The following GUCY2F variants were observed in gnomAD, a reference collection of about 807,000 sequenced individuals.
The protein encoded by GUCY2F is guanylate cyclase 2F, retinal.
Under a neutral mutation model 73.1 loss-of-function variants are expected in GUCY2F, and 61 were observed. That is an observed-to-expected ratio of 0.83 (90% CI 0.68 to 1.03). GUCY2F has a LOEUF of 1.03. Among genes scored for constraint, GUCY2F ranks in the 50% least tolerant of loss-of-function variants. The probability of loss-of-function intolerance (pLI) is 0.00; values close to 1 mark genes in which losing one functional copy is unlikely to be tolerated. For missense variants in GUCY2F, 912 were observed against 854.3 expected (o/e 1.07, Z -0.84); for synonymous variants, 331 against 307.8 (o/e 1.08, Z -0.79).
chrX:109,417,574 GAACA>G (rs1931274535), intron 8 of GUCY2F, among the ~76,000 whole-genome samples: 1 of 111,158 alleles, frequency 9.0e-6, no homozygotes, highest in Non-Finnish European at 1.9e-5. Flanking sequence ...GGAAACAAAG[GAACA>G]AACAGAGACA....
intron 15 of GUCY2F, among the ~76,000 whole-genome samples, chrX:109,386,771 T>A (rs777485061): frequency 8.9e-6 from 1 of 111,841 alleles, no homozygotes; most frequent in Non-Finnish European, 1.9e-5. Context: ...GCTGTCTGAT[T>A]GACAACCATG....
At chrX:109,424,507 C>T (rs967991873) in intron 8 of GUCY2F, among the ~76,000 whole-genome samples, 1 of 111,337 alleles carries the variant, frequency 9.0e-6, no homozygotes, top group Non-Finnish European at 1.9e-5. Context: ...TGCCATTATA[C>T]ATTTGCCAAT....
intron 3 of GUCY2F, among the ~76,000 whole-genome samples, 189 bp from the exon 4 acceptor site, chrX:109,454,048 C>T (rs1358840996): frequency 1.8e-5 from 2 of 110,058 alleles, no homozygotes; most frequent in Non-Finnish European, 3.8e-5. Flanking sequence ...TTTTTTTTTC[C>T]CCCAGGCTGT....
rs995111960 is a variant in GUCY2F, at chrX:109,441,473, G to A, written c.1579C>T (p.Arg527Cys). ...NPHFGSKRGS[R>C]ASVSFQITSE... The stretch of plus-strand genomic sequence containing the variant: ...GTAATCTGGAAGCTTACACTGGCAC[G>A]ACTTCCTCTCTGTGAAAGGATTAGG... Residue 527 changes from arginine (R) to cysteine (C), a missense_variant, in exon 7 of 20, where the codon CGT (arginine) becomes TGT (cysteine). Arg to Cys is a radical substitution (Grantham distance 180). Transcript: ENST00000218006. 6.8e-6 allele frequency: 8 copies of A among 1,172,715 alleles called. No individual in the cohort carries two copies. Among genetic ancestry groups the A allele is most frequent in the Admixed American group, 2.4e-5 (1 of 41,582 alleles).
chrX:109,455,688 C>G (rs1215062392), intron 3 of GUCY2F, among the ~76,000 whole-genome samples: 1 of 111,237 alleles, frequency 9.0e-6, no homozygotes, highest in Non-Finnish European at 1.9e-5. Context: ...CAGCTCAGTC[C>G]TTGGTCCTCT....
intron 17 of GUCY2F, among the ~76,000 whole-genome samples, chrX:109,381,823 A>G (rs1930316716): frequency 8.9e-6 from 1 of 112,918 alleles, no homozygotes; most frequent in South Asian, 3.6e-4. Flanking sequence ...ATAATAGTGC[A>G]GCTCATTGGA....
chrX:109,394,188 C>A (rs1930647435), intron 12 of GUCY2F, among the ~76,000 whole-genome samples: 1 of 112,103 alleles, frequency 8.9e-6, no homozygotes. Flanking sequence ...TCAGTGAGGG[C>A]AGCTATAGCA....
At chrX:109,374,035 G>A (rs959748177) in intron 19 of GUCY2F, among the ~76,000 whole-genome samples, 1 of 112,241 alleles carries the variant, frequency 8.9e-6, no homozygotes, top group South Asian at 3.7e-4. Context: ...CTCTTATGAT[G>A]GTGGCAGCAA....
chrX:109,385,240 T>C lies in GUCY2F; in HGVS notation c.2999A>G (p.Tyr1000Cys). The change falls in exon 16 of 20, where the codon TAC (tyrosine) becomes TGC (cysteine). Residue 1000 changes from tyrosine (Y) to cysteine (C), a missense_variant. Transcript: ENST00000218006. ...GTTCACAGTGTCTCCAAACAAGCAG[T>C]ATCTGGGCATGGTGAGGCCCACCAC... ...AGVVGLTMPR[Y>C]CLFGDTVNTA... The C allele has an allele frequency of 8.4e-7, 1 of 1,195,838 alleles. No homozygotes were observed.
intron 9 of GUCY2F, among the ~76,000 whole-genome samples, chrX:109,407,878 A>G (rs980315846): frequency 8.8e-6 from 1 of 113,062 alleles, no homozygotes; most frequent in Admixed American, 9.3e-5. Flanking sequence ...TGCCCAGGCA[A>G]AAGTTTGCTG....
chrX:109,447,025 ATG>A (rs1932027664), intron 6 of GUCY2F, among the ~76,000 whole-genome samples: 1 of 112,601 alleles, frequency 8.9e-6, no homozygotes, highest in African/African-American at 3.2e-5. Flanking sequence ...ACATGAAAAA[ATG>A]CTCATCATCA....
At chrX:109,396,878 C>T (rs1930723695) in intron 11 of GUCY2F, among the ~76,000 whole-genome samples, 1 of 112,248 alleles carries the variant, frequency 8.9e-6, no homozygotes, top group Non-Finnish European at 1.9e-5. Flanking sequence ...ACTTGACTGC[C>T]TCATCCATTC....
intron 8 of GUCY2F, among the ~76,000 whole-genome samples, chrX:109,430,001 C>G (rs1337113832): frequency 1.8e-5 from 2 of 112,394 alleles, no homozygotes; most frequent in African/African-American, 6.5e-5. Context: ...CTCATCCAAC[C>G]TAAAGGGTAG....
intron 13 of GUCY2F, 83 bp downstream of exon 13, chrX:109,392,809 G>A (rs926386890): frequency 1.4e-5 from 8 of 584,730 alleles, no homozygotes; most frequent in South Asian, 6.5e-5. Context: ...GTTAGTTGAT[G>A]GGTAATTTTT....
At chrX:109,421,475 T>C (rs1342521923) in intron 8 of GUCY2F, among the ~76,000 whole-genome samples, 1 of 111,370 alleles carries the variant, frequency 9.0e-6, no homozygotes, top group African/African-American at 3.3e-5. Context: ...CCAAGTGAAA[T>C]AAGACAGTCA....
At chrX:109,430,647 G>A (rs1215463850) in intron 7 of GUCY2F, among the ~76,000 whole-genome samples, 1 of 112,124 alleles carries the variant, frequency 8.9e-6, no homozygotes, top group African/African-American at 3.2e-5. Context: ...CTCCAGAAAC[G>A]GAATGATACC....
intron 8 of GUCY2F, among the ~76,000 whole-genome samples, chrX:109,424,941 A>ATT (rs1931450054): frequency 9.1e-6 from 1 of 110,324 alleles, no homozygotes; most frequent in South Asian, 3.9e-4. Flanking sequence ...TACTTTTTGT[A>ATT]TTTTTAGTAC....
At chrX:109,412,203 T>C (rs886261642) in intron 8 of GUCY2F, among the ~76,000 whole-genome samples, 3 of 111,929 alleles carry the variant, frequency 2.7e-5, no homozygotes, top group African/African-American at 9.7e-5. Context: ...AAAAGGCAGA[T>C]CTGAGATGTA....
intron 14 of GUCY2F, among the ~76,000 whole-genome samples, chrX:109,390,652 A>T (rs1930538545): frequency 8.9e-6 from 1 of 112,953 alleles, no homozygotes; most frequent in Non-Finnish European, 1.9e-5. Flanking sequence ...TTAAACCAGT[A>T]GCTGTGTTAC....
Sources: gnomAD v4.1 joint callset for allele counts (sites outside exome capture counted in the v4.1 genomes callset) on GRCh38, gnomAD v4.1.1 for gene constraint, MANE v1.5 for transcripts, NCBI Gene and HGNC (gene_info 2026-07-23, HGNC 2026-07-21) for gene names.